MCU: variants seen among roughly 807,000 people sequenced by gnomAD.
MCU encodes mitochondrial calcium uniporter.
MCU carries 12 observed loss-of-function variants against 45.2 expected under a neutral mutation model. The ratio of observed to expected loss-of-function variants is 0.27; its 90% CI spans 0.17 to 0.43. The LOEUF (loss-of-function observed/expected upper bound fraction) is 0.43. MCU is among the 20% of genes least tolerant of loss of function. The pLI is 1.00. For synonymous variants in MCU, 160 were observed against 165.1 expected (o/e 0.97, Z 0.24); for missense variants, 324 against 436.7 (o/e 0.74, Z 2.30).
intron 1 of MCU, among the ~76,000 whole-genome samples, chr10:72,826,418 G>T (rs1844799392): frequency 6.6e-6 from 1 of 152,138 alleles, no homozygotes; most frequent in Admixed American, 6.5e-5. Context: ...AAAGTGCTTT[G>T]TATTTTCCTA....
At chr10:72,842,579 T>A (rs890761205) in intron 2 of MCU, among the ~76,000 whole-genome samples, 2 of 152,206 alleles carry the variant, frequency 1.3e-5, no homozygotes, top group Non-Finnish European at 2.9e-5. Context: ...AGTATGTGAC[T>A]TCTTTAGTCA....
At chr10:72,796,696 T>TG (rs1554824397) in intron 1 of MCU, among the ~76,000 whole-genome samples, 2 of 147,432 alleles carry the variant, frequency 1.4e-5, no homozygotes, top group Admixed American at 6.7e-5. Flanking sequence ...AGTTTTTGTT[T>TG]TTTTTTTTTT....
chr10:72,767,271 G>C (rs369793459), intron 1 of MCU, among the ~76,000 whole-genome samples: 1 of 151,648 alleles, frequency 6.6e-6, no homozygotes, highest in African/African-American at 2.4e-5. Flanking sequence ...TGATCTTCTC[G>C]TTTCTGAAGT....
At chr10:72,878,841 G>A (rs1845657727) in intron 6 of MCU, among the ~76,000 whole-genome samples, 1 of 152,186 alleles carries the variant, frequency 6.6e-6, no homozygotes, top group African/African-American at 2.4e-5. Context: ...TGGAGTCTCA[G>A]AAGGAGAAGA....
chr10:72,699,660 C>T (rs1842732699), intron 1 of MCU, among the ~76,000 whole-genome samples: 3 of 149,212 alleles, frequency 2.0e-5, no homozygotes, highest in Admixed American at 1.3e-4. Context: ...GGCGCTATCT[C>T]TGCTCTCTGC....
chr10:72,813,659 A>G (rs1002508598), intron 1 of MCU, among the ~76,000 whole-genome samples: 1 of 151,776 alleles, frequency 6.6e-6, no homozygotes, highest in African/African-American at 2.4e-5. Flanking sequence ...GGGTTTCACT[A>G]TGTTGGCCAG....
chr10:72,846,206 C>T (rs1425689250), intron 2 of MCU, among the ~76,000 whole-genome samples: 1 of 152,104 alleles, frequency 6.6e-6, no homozygotes, highest in African/African-American at 2.4e-5. Context: ...CCACACCCAG[C>T]TAATATTTGT....
intron 1 of MCU, among the ~76,000 whole-genome samples, chr10:72,764,662 A>G (rs73286740): frequency 0.11 from 16,811 of 152,210 alleles, 3,096 homozygotes; most frequent in African/African-American, 0.38. Flanking sequence ...TTAAAGTATT[A>G]CATTCCCCTA....
At chr10:72,696,271 A>G (rs930605846) in intron 1 of MCU, among the ~76,000 whole-genome samples, 1 of 142,084 alleles carries the variant, frequency 7.0e-6, no homozygotes, top group Non-Finnish European at 1.5e-5. Flanking sequence ...CCAAAGAGCT[A>G]GTATTATATA....
intron 1 of MCU, among the ~76,000 whole-genome samples, chr10:72,820,497 A>G (rs1247136090): frequency 6.6e-6 from 1 of 150,828 alleles, no homozygotes; most frequent in African/African-American, 2.4e-5. Flanking sequence ...GGACTTCTTC[A>G]TCAGTTTGAT....
At chr10:72,862,208 C>T (rs1644572488) in intron 4 of MCU, among the ~76,000 whole-genome samples, 1 of 151,880 alleles carries the variant, frequency 6.6e-6, no homozygotes, top group African/African-American at 2.4e-5. Context: ...GTCTCGATCT[C>T]CTGACCTTGT....
chr10:72,821,312 A>G (rs577507937), intron 1 of MCU, among the ~76,000 whole-genome samples: 8 of 152,110 alleles, frequency 5.3e-5, no homozygotes, highest in Non-Finnish European at 1.2e-4. Context: ...TGCACCCTTC[A>G]TATAAAATGT....
intron 1 of MCU, among the ~76,000 whole-genome samples, chr10:72,809,726 A>C (rs147773842): frequency 6.6e-6 from 1 of 152,204 alleles, no homozygotes; most frequent in Non-Finnish European, 1.5e-5. Context: ...CTCCAAACAG[A>C]ATAAGTATGA....
At chr10:72,709,414 T>C (rs1431690687) in intron 1 of MCU, among the ~76,000 whole-genome samples, 1 of 152,218 alleles carries the variant, frequency 6.6e-6, no homozygotes, top group Non-Finnish European at 1.5e-5. Context: ...AATGAGAAGA[T>C]TGAAGGTTTT....
At chr10:72,811,933 T>G (rs2132802088) in intron 1 of MCU, among the ~76,000 whole-genome samples, 1 of 152,296 alleles carries the variant, frequency 6.6e-6, no homozygotes, top group African/African-American at 2.4e-5. Context: ...CCCTGTATCT[T>G]CCTTCTTGTT....
intron 6 of MCU, among the ~76,000 whole-genome samples, chr10:72,878,528 T>C: frequency 6.6e-6 from 1 of 152,216 alleles, no homozygotes; most frequent in Non-Finnish European, 1.5e-5. Flanking sequence ...ATATTGGTAT[T>C]ATCAGACATA....
intron 1 of MCU, among the ~76,000 whole-genome samples, chr10:72,773,725 A>G (rs1210945326): frequency 6.6e-6 from 1 of 152,232 alleles, no homozygotes; most frequent in Non-Finnish European, 1.5e-5. Context: ...TCCTAAAAGC[A>G]GCAAAGAAAA....
intron 1 of MCU, among the ~76,000 whole-genome samples, chr10:72,833,155 A>G (rs763793200): frequency 6.6e-6 from 1 of 152,200 alleles, no homozygotes; most frequent in Non-Finnish European, 1.5e-5. Flanking sequence ...AATTCATGTA[A>G]TTATTTGGAA....
intron 6 of MCU, among the ~76,000 whole-genome samples, chr10:72,881,054 C>G (rs73288629): frequency 0.07 from 10,682 of 152,136 alleles, 423 homozygotes; most frequent in Middle Eastern, 0.14. Context: ...TGCTTGAGCC[C>G]AGGATCTTGA....
Sources: gnomAD v4.1 joint callset for allele counts (sites outside exome capture counted in the v4.1 genomes callset) on GRCh38, gnomAD v4.1.1 for gene constraint, MANE v1.5 for transcripts, NCBI Gene and HGNC (gene_info 2026-07-23, HGNC 2026-07-21) for gene names.